The following ETS1 variants were observed in gnomAD, a reference collection of about 807,000 sequenced individuals.
ETS1 encodes ETS proto-oncogene 1, transcription factor, also known as protein C-ets-1.
A neutral mutation model predicts 58.6 loss-of-function variants in ETS1; 15 were observed. The ratio of observed to expected loss-of-function variants is 0.26; its 90% CI spans 0.17 to 0.39. The LOEUF is 0.39. Ranked by LOEUF, ETS1 falls within the 10% of genes least tolerant of loss-of-function variation. ETS1 has a pLI of 1.00. For missense variants in ETS1, 417 were observed against 610.5 expected (o/e 0.68, Z 3.34); for synonymous variants, 214 against 218.2 (o/e 0.98, Z 0.17).
chr11:128,566,221 C>G (rs1864492056), intron 2 of ETS1, among the ~76,000 whole-genome samples: 1 of 152,130 alleles, frequency 6.6e-6, no homozygotes, highest in Non-Finnish European at 1.5e-5. Context: ...CTGGTAGCAC[C>G]CTTGCATGGA....
intron 3 of ETS1, among the ~76,000 whole-genome samples, chr11:128,510,692 C>T (rs1366976500): frequency 6.6e-6 from 1 of 152,174 alleles, no homozygotes; most frequent in African/African-American, 2.4e-5. Context: ...TATCTTCATG[C>T]TTGCTATAAT....
intron 2 of ETS1, among the ~76,000 whole-genome samples, chr11:128,563,161 T>C (rs1320296604): frequency 1.3e-5 from 2 of 152,116 alleles, no homozygotes; most frequent in African/African-American, 2.4e-5. Flanking sequence ...CTAAACTCCA[T>C]AGGAGCAAAT....
chr11:128,498,639 C>A lies in ETS1; in HGVS notation c.215-8063G>T, dbSNP rs555617879. On this transcript the variant is annotated intron_variant, in intron 3 of 9. Coordinates refer to ENST00000392668, the MANE Select transcript of ETS1 (RefSeq NM_001143820.2). Reference sequence around the variant, plus strand: ...AAAGTATAATTTTATGCTAAGAACTCTTTTCTATGTGTTTGGAATCTGCCA... The same window carrying A: ...AAAGTATAATTTTATGCTAAGAACTATTTTCTATGTGTTTGGAATCTGCCA... 3.3e-5 allele frequency among the ~76,000 whole-genome samples: 5 copies of A among 152,238 alleles called. No individual in the cohort carries two copies. In the South Asian group the frequency reaches 1.0e-3, roughly 32 times the overall value.
In ETS1 at chr11:128,585,183, AAAG is replaced by A. The variant is rs754309741; in HGVS notation, c.-15+2302_-15+2304del. Among the ~76,000 whole-genome samples, 234 of 51,188 alleles carry A rather than the reference AAAG, an allele frequency of 4.6e-3. 9 individuals are homozygous for A. Among genetic ancestry groups the A allele is most frequent in the African/African-American group, 8.2e-3 (81 of 9,934 alleles). 33.6% of individuals were successfully genotyped at this position (51,188 alleles called of 152,430 possible). ...AAGAAAGAAAGAGAAAGAAAGAAAG[AAAG>A]AAGGAAGGAAAGAAAGAAAGAAAGA... On this transcript the variant is annotated intron_variant, in intron 1 of 9. Transcript: ENST00000392668.
At chr11:128,489,605 G>A (rs796680844) in intron 4 of ETS1, 115 bp from the exon 5 acceptor site, 7 of 785,650 alleles carry the variant, frequency 8.9e-6, no homozygotes, top group Admixed American at 2.0e-5. Context: ...TTTATTCATC[G>A]AATGAGGAAG....
intron 8 of ETS1, among the ~76,000 whole-genome samples, chr11:128,465,933 T>C (rs1174214553): frequency 1.3e-5 from 2 of 152,204 alleles, no homozygotes; most frequent in Non-Finnish European, 2.9e-5. Context: ...CTGGAACCCA[T>C]GCAGCCCATC....
intron 2 of ETS1, among the ~76,000 whole-genome samples, chr11:128,561,790 T>C (rs1234665629): frequency 6.6e-6 from 1 of 152,070 alleles, no homozygotes; most frequent in African/African-American, 2.4e-5. Context: ...TGAGTTCAGA[T>C]GGAGTGAGGG....
At chr11:128,472,332 G>C (rs1310262831) in intron 8 of ETS1, among the ~76,000 whole-genome samples, 1 of 152,104 alleles carries the variant, frequency 6.6e-6, no homozygotes, top group African/African-American at 2.4e-5. Context: ...ATCACTCTAG[G>C]AGAACTTTCA....
At chr11:128,521,789 C>A in intron 3 of ETS1, 1 of 702,042 alleles carries the variant, frequency 1.4e-6, no homozygotes. Context: ...CAGCTGCCAA[C>A]AGCATCCCCC....
intron 3 of ETS1, among the ~76,000 whole-genome samples, chr11:128,539,378 G>T (rs1306503895): frequency 6.6e-6 from 1 of 152,092 alleles, no homozygotes; most frequent in Non-Finnish European, 1.5e-5. Flanking sequence ...ATTTAAAAAC[G>T]GGCCAAGGAT....
At chr11:128,586,109 C>G (rs192472641) in intron 1 of ETS1, among the ~76,000 whole-genome samples, 6 of 152,326 alleles carry the variant, frequency 3.9e-5, no homozygotes, top group African/African-American at 1.4e-4. Flanking sequence ...CTTGGCTTCC[C>G]ACATCCTCAG....
chr11:128,569,295 C>T (rs1490088783), intron 2 of ETS1, among the ~76,000 whole-genome samples: 1 of 124,654 alleles, frequency 8.0e-6, no homozygotes, highest in East Asian at 2.4e-4. Flanking sequence ...TCTGAATTTA[C>T]CATACATGGG....
chr11:128,544,371 A>ATAT (rs1446381609), intron 3 of ETS1, among the ~76,000 whole-genome samples: 4 of 141,888 alleles, frequency 2.8e-5, no homozygotes, highest in Non-Finnish European at 4.6e-5. Context: ...ATATATATGG[A>ATAT]ATTTCCCTCT....
At chr11:128,509,277 G>A (rs142348162) in intron 3 of ETS1, among the ~76,000 whole-genome samples, 40 of 152,278 alleles carry the variant, frequency 2.6e-4, no homozygotes, top group African/African-American at 7.2e-4. Context: ...TATGTCCACC[G>A]TGGAGATGCT....
rs1362873406 is a variant in ETS1 at position 128,461,984 on chromosome 11, A to G, written c.*377T>C. The G allele has an allele frequency of 1.2e-5, 2 of 168,316 alleles. No homozygotes were observed. The highest frequency in any genetic ancestry group is 2.6e-5 in the Non-Finnish European group (2 of 78,024). 10.4% of individuals were successfully genotyped at this position (168,316 alleles called of 1,614,324 possible). On this transcript the variant is annotated 3_prime_UTR_variant, in exon 10 of 10. Transcript: ENST00000392668. The stretch of plus-strand genomic sequence containing the variant: ...TTAATTGCCTTACATCAGTTTCATG[A>G]GTTCTGATGTGACAATGTCACTTGC...
At chr11:128,504,277 C>A (rs1406190674) in intron 3 of ETS1, among the ~76,000 whole-genome samples, 3 of 152,328 alleles carry the variant, frequency 2.0e-5, no homozygotes, top group Admixed American at 2.0e-4. Context: ...TGGCCTGGAG[C>A]AATAACTATC....
At chr11:128,586,879 A>G (rs982460331) in intron 1 of ETS1, among the ~76,000 whole-genome samples, 3 of 152,118 alleles carry the variant, frequency 2.0e-5, no homozygotes, top group Non-Finnish European at 4.4e-5. Context: ...ATACCTCCCT[A>G]ACTCTGAGAC....
rs758279024 is a variant in ETS1, at chr11:128,521,887, T to A, written c.215-31311A>T. ...CCCGGCCTCTGGCCGAGAGCTTGGG[T>A]GGGGGCCTCGGCCGTCGCCACTCAC... On this transcript the variant is annotated intron_variant, in intron 3 of 9. Transcript: ENST00000392668. 4.4e-6 allele frequency: 7 copies of A among 1,575,880 alleles called. No homozygotes were observed. The African/African-American group carries it at 8.3e-5, about 19-fold the overall frequency.
At chr11:128,584,995 G>GAAAGAAAGA (rs1157242343) in intron 1 of ETS1, among the ~76,000 whole-genome samples, 2 of 22,268 alleles carry the variant, frequency 9.0e-5, no homozygotes, top group Non-Finnish European at 1.8e-4. Flanking sequence ...AGAAAGGAAG[G>GAAAGAAAGA]AAGGAAGGAA....
Sources: allele counts gnomAD v4.1 joint callset (sites outside exome capture counted in the v4.1 genomes callset), GRCh38; gene constraint gnomAD v4.1.1; transcripts MANE v1.5; gene names NCBI Gene and HGNC (gene_info 2026-07-23, HGNC 2026-07-21).